STK32B: variants seen among roughly 807,000 people sequenced by gnomAD.
STK32B encodes serine/threonine kinase 32B, also known as serine/threonine-protein kinase 32B.
A neutral mutation model predicts 52.6 loss-of-function variants in STK32B; 43 were observed. The observed-to-expected ratio is 0.82, with a 90% CI of 0.64 to 1.05. STK32B has a LOEUF of 1.05. Ranked by LOEUF, STK32B falls within the 50% of genes least tolerant of loss-of-function variation. The pLI, the probability that STK32B is intolerant of heterozygous loss-of-function variation, is 0.00. For missense variants in STK32B, 621 were observed against 534.6 expected, an observed-to-expected ratio of 1.16 and a Z score of -1.59; for synonymous variants, 238 against 204.3, an observed-to-expected ratio of 1.17 and a Z score of -1.41.
chr4:5,245,886 T>C (rs902523080), intron 3 of STK32B, among the ~76,000 whole-genome samples: 5 of 152,222 alleles, frequency 3.3e-5, no homozygotes, highest in African/African-American at 9.6e-5. Context: ...TCTTTAAGAA[T>C]GTTGAATATT....
At chr4:5,255,578 G>T (rs1047015839) in intron 3 of STK32B, among the ~76,000 whole-genome samples, 2 of 151,996 alleles carry the variant, frequency 1.3e-5, no homozygotes, top group African/African-American at 4.8e-5. Flanking sequence ...CTCATTCCCA[G>T]TCAATGCCCC....
intron 11 of STK32B, among the ~76,000 whole-genome samples, chr4:5,491,606 G>T (rs1010229060): frequency 2.6e-5 from 4 of 151,760 alleles, no homozygotes; most frequent in Non-Finnish European, 4.4e-5. Flanking sequence ...GTCAATTTTG[G>T]CTTTTGTTGC....
chr4:5,379,829 T>C lies in STK32B; in HGVS notation c.435-18378T>C, dbSNP rs982757917. 7.2e-5 allele frequency among the ~76,000 whole-genome samples: 11 copies of C among 152,186 alleles called. No individual in the cohort carries two copies. The East Asian group carries it at 2.1e-3, about 29-fold the overall frequency. ...TCTAGAATGGTGAGAAAGAAAAGTC[T>C]GTTGTTTAAGCCCCCGGTTCGTGGT... is the stretch of plus-strand genomic sequence containing the variant. On this transcript the variant is annotated intron_variant, in intron 4 of 11. Transcript: ENST00000282908.
chr4:5,411,967 C>G (rs1317628080), intron 5 of STK32B, among the ~76,000 whole-genome samples: 1 of 152,104 alleles, frequency 6.6e-6, no homozygotes, highest in Non-Finnish European at 1.5e-5. Context: ...GCTAGTCTAT[C>G]AATCGTGTAA....
At chr4:5,146,232 T>C (rs1716904958) in intron 2 of STK32B, among the ~76,000 whole-genome samples, 1 of 152,060 alleles carries the variant, frequency 6.6e-6, no homozygotes, top group Non-Finnish European at 1.5e-5. Flanking sequence ...CCATAGGCCG[T>C]CTGAAAGTTA....
rs570593532 is a variant in STK32B at position 5,110,935 on chromosome 4, A to T, written c.53-28970A>T. ...CAAGAGGAATAAAATAAACAACACC[A>T]TTAAAAGCTGGGCAAAAGACATGAA... is the stretch of plus-strand genomic sequence containing the variant. On this transcript the variant is annotated intron_variant, in intron 1 of 11. Transcript: ENST00000282908. Among the ~76,000 whole-genome samples, 5 of 152,160 alleles carry T rather than the reference A, an allele frequency of 3.3e-5. No homozygotes were observed. The South Asian group carries it at 8.3e-4, about 25-fold the overall frequency.
At chr4:5,344,126 C>T (rs144264539) in intron 4 of STK32B, among the ~76,000 whole-genome samples, 113 of 152,224 alleles carry the variant, frequency 7.4e-4, no homozygotes, top group Middle Eastern at 3.4e-3. Context: ...GTGCAGGACC[C>T]CGGTAATTCC....
intron 3 of STK32B, among the ~76,000 whole-genome samples, chr4:5,273,998 AAAG>A (rs1428024206): frequency 7.9e-5 from 12 of 152,072 alleles, no homozygotes; most frequent in African/African-American, 1.9e-4. Flanking sequence ...TAATAAAAAA[AAAG>A]AAACAAAAAA....
At chr4:5,493,478 T>G (rs1013798245) in intron 11 of STK32B, among the ~76,000 whole-genome samples, 1 of 152,234 alleles carries the variant, frequency 6.6e-6, no homozygotes, top group Non-Finnish European at 1.5e-5. Context: ...TTTTCTTCTT[T>G]ATTAGTCTTC....
intron 3 of STK32B, among the ~76,000 whole-genome samples, chr4:5,199,193 T>C (rs995822254): frequency 6.6e-6 from 1 of 152,114 alleles, no homozygotes; most frequent in Non-Finnish European, 1.5e-5. Flanking sequence ...ACACATAAAA[T>C]GAGTATTACT....
chr4:5,158,115 G>T (rs1316998770), intron 2 of STK32B, among the ~76,000 whole-genome samples: 11 of 152,044 alleles, frequency 7.2e-5, no homozygotes, highest in Non-Finnish European at 1.3e-4. Context: ...TGCAAGCGTC[G>T]GCCAGAGTAG....
Position 5,466,805 on chromosome 4 carries a change from A to G in STK32B, c.1012A>G (p.Arg338Gly). Reference protein sequence around the residue: ...KKKRLAKNRSRDGTKDSCPLN... With the variant: ...KKKRLAKNRSGDGTKDSCPLN... ...GAAGCGATTGGCAAAGAACAGATCC[A>G]GGGATGGCACAAAGGACAGCTGCCC... Residue 338 changes from arginine (R) to glycine (G), a missense_variant, in exon 10 of 12, where the codon AGG becomes GGG. By Grantham distance (125) the Arg-to-Gly change is moderately radical. Coordinates refer to ENST00000282908, the MANE Select transcript of STK32B (RefSeq NM_018401.3). The G allele has an allele frequency of 6.2e-7, 1 of 1,613,974 alleles. No homozygotes were observed. The highest frequency in any genetic ancestry group is 8.5e-7 in the Non-Finnish European group (1 of 1,179,900).
intron 3 of STK32B, among the ~76,000 whole-genome samples, chr4:5,204,838 G>A (rs1169245907): frequency 6.6e-6 from 1 of 152,164 alleles, no homozygotes; most frequent in Non-Finnish European, 1.5e-5. Context: ...CACTCGTGGG[G>A]AGGGGCTCTC....
At chr4:5,082,563 C>T (rs577120917) in intron 1 of STK32B, among the ~76,000 whole-genome samples, 3 of 152,114 alleles carry the variant, frequency 2.0e-5, no homozygotes, top group Admixed American at 1.3e-4. Flanking sequence ...CTCCTATATC[C>T]GTATCTATTG....
chr4:5,424,958 G>A (rs1712958983), intron 6 of STK32B, among the ~76,000 whole-genome samples: 1 of 152,248 alleles, frequency 6.6e-6, no homozygotes, highest in African/African-American at 2.4e-5. Context: ...GCACCACCAA[G>A]TTCCCCAGTG....
At chr4:5,318,582 A>G (rs891246569) in intron 3 of STK32B, among the ~76,000 whole-genome samples, 3 of 152,106 alleles carry the variant, frequency 2.0e-5, no homozygotes, top group African/African-American at 7.2e-5. Context: ...TTGGGACATC[A>G]CTGCAGTGAT....
intron 2 of STK32B, 138 bp from the exon 3 acceptor site, chr4:5,168,161 A>G: frequency 8.8e-7 from 1 of 1,132,780 alleles, no homozygotes; most frequent in Non-Finnish European, 1.2e-6. Flanking sequence ...TGCCTAACTT[A>G]GCAGAGCTGC....
chr4:5,377,776 T>C (rs1560365780), intron 4 of STK32B, among the ~76,000 whole-genome samples: 4 of 152,188 alleles, frequency 2.6e-5, no homozygotes, highest in Non-Finnish European at 5.9e-5. Context: ...CCAGCCACCA[T>C]GTAAGACATG....
chr4:5,276,979 T>C (rs982790366), intron 3 of STK32B, among the ~76,000 whole-genome samples: 1 of 152,202 alleles, frequency 6.6e-6, no homozygotes, highest in Non-Finnish European at 1.5e-5. Context: ...TTTGGACTGG[T>C]TCCCACTGAA....
Sources: allele counts gnomAD v4.1 joint callset (sites outside exome capture counted in the v4.1 genomes callset), GRCh38; gene constraint gnomAD v4.1.1; transcripts MANE v1.5; gene names NCBI Gene and HGNC (gene_info 2026-07-23, HGNC 2026-07-21).